The following PHACTR1 variants were observed in gnomAD, a reference collection of about 807,000 sequenced individuals.
PHACTR1 encodes RPEL repeat containing 1.
In PHACTR1, 16 loss-of-function variants were observed where a neutral mutation model predicts 69.2. The observed-to-expected ratio is 0.23, with a 90% CI of 0.16 to 0.35. The LOEUF (loss-of-function observed/expected upper bound fraction) is 0.35. Ranked by LOEUF, PHACTR1 falls within the 10% of genes least tolerant of loss-of-function variation. The probability of loss-of-function intolerance (pLI) is 1.00; values close to 1 mark genes in which losing one functional copy is unlikely to be tolerated. For missense variants in PHACTR1, 510 were observed against 734.7 expected (o/e 0.69, Z 3.54); for synonymous variants, 312 against 284.5 (o/e 1.10, Z -0.97).
At chr6:13,110,390 C>CT (rs1471029509) in intron 5 of PHACTR1, among the ~76,000 whole-genome samples, 1 of 152,178 alleles carries the variant, frequency 6.6e-6, no homozygotes, top group Non-Finnish European at 1.5e-5. Context: ...GTGCACAATG[C>CT]TGCAGGTGTT....
chr6:12,858,652 A>T (rs1780641706), intron 4 of PHACTR1, among the ~76,000 whole-genome samples: 1 of 152,110 alleles, frequency 6.6e-6, no homozygotes, highest in African/African-American at 2.4e-5. Context: ...TAAAAATTGC[A>T]GGACATGGTG....
chr6:13,021,697 ATC>A (rs1800998747), intron 4 of PHACTR1, among the ~76,000 whole-genome samples: 1 of 152,188 alleles, frequency 6.6e-6, no homozygotes, highest in Non-Finnish European at 1.5e-5. Flanking sequence ...ATTTGTTATT[ATC>A]TGTTATGGAT....
At chr6:13,000,692 GAGA>G (rs1798004632) in intron 4 of PHACTR1, among the ~76,000 whole-genome samples, 1 of 142,808 alleles carries the variant, frequency 7.0e-6, no homozygotes, top group South Asian at 2.2e-4. Context: ...GAAGGAAGGA[GAGA>G]AAAACAAAGG....
At chr6:12,823,947 G>T (rs527854449) in intron 4 of PHACTR1, among the ~76,000 whole-genome samples, 1 of 151,972 alleles carries the variant, frequency 6.6e-6, no homozygotes, top group African/African-American at 2.4e-5. Flanking sequence ...AAATTCTATT[G>T]CCTACCTCAG....
At chr6:12,925,853 G>GA (rs954681334) in intron 4 of PHACTR1, among the ~76,000 whole-genome samples, 2 of 151,166 alleles carry the variant, frequency 1.3e-5, no homozygotes, top group Non-Finnish European at 3.0e-5. Context: ...GCAGAAATAG[G>GA]AAAAAAAAAT....
intron 10 of PHACTR1, among the ~76,000 whole-genome samples, chr6:13,247,546 AC>A (rs1420669213): frequency 6.6e-6 from 1 of 152,122 alleles, no homozygotes; most frequent in Non-Finnish European, 1.5e-5. Context: ...GGGTTTTACC[AC>A]ATTGGCCAGG....
intron 4 of PHACTR1, among the ~76,000 whole-genome samples, chr6:13,005,919 T>A (rs1330396709): frequency 6.6e-6 from 1 of 151,404 alleles, no homozygotes; most frequent in Admixed American, 6.6e-5. Flanking sequence ...AAAGGGCCAC[T>A]CCACTCTCTA....
At chr6:13,271,109 A>C (rs2127444842) in intron 10 of PHACTR1, among the ~76,000 whole-genome samples, 1 of 151,960 alleles carries the variant, frequency 6.6e-6, no homozygotes, top group South Asian at 2.1e-4. Flanking sequence ...CCCAGGTTCA[A>C]GCGATTCTCC....
In PHACTR1 at chr6:13,287,083, C is replaced by A. The variant is rs114265092; in HGVS notation, c.*5C>A. On this transcript the variant is annotated 3_prime_UTR_variant, in exon 15 of 15. Coordinates refer to ENST00000332995, the MANE Select transcript of PHACTR1 (RefSeq NM_030948.6). ...CTTAGGTTTCACCGACCTTAACAGT[C>A]GAATTCCTCTTGAGTGCTATGCTGT... is the stretch of plus-strand genomic sequence containing the variant. 4 of 1,605,076 alleles carry A rather than the reference C, an allele frequency of 2.5e-6. No individual in the cohort carries two copies. Among genetic ancestry groups the A allele is most frequent in the Non-Finnish European group, 3.4e-6 (4 of 1,175,322 alleles).
intron 11 of PHACTR1, among the ~76,000 whole-genome samples, chr6:13,277,669 G>C (rs191108854): frequency 1.3e-5 from 2 of 152,242 alleles, no homozygotes; most frequent in Non-Finnish European, 2.9e-5. Context: ...ACCTCCTTGG[G>C]CTGTGCGGTG....
intron 4 of PHACTR1, among the ~76,000 whole-genome samples, chr6:13,011,213 A>G (rs1799413407): frequency 6.6e-6 from 1 of 152,322 alleles, no homozygotes; most frequent in East Asian, 1.9e-4. Flanking sequence ...GCCTTACCCA[A>G]TGCAGTGGCC....
At chr6:13,244,566 A>G (rs975046154) in intron 10 of PHACTR1, among the ~76,000 whole-genome samples, 1 of 152,220 alleles carries the variant, frequency 6.6e-6, no homozygotes, top group African/African-American at 2.4e-5. Context: ...CCCTAGCTGC[A>G]CATTCTCTTT....
rs1040068266 is a variant in PHACTR1, at chr6:12,848,167, G to A, written c.250+98377G>A. Among the ~76,000 whole-genome samples the A allele has an allele frequency of 7.2e-5, 11 of 151,838 alleles. No homozygotes were observed. In the South Asian group the frequency reaches 1.5e-3, roughly 20 times the overall value. ...CATAACTAGGCTAGATCAATAGCAC[G>A]TATTGGTTATAAACAGAGTAACTAA... is the stretch of plus-strand genomic sequence containing the variant. On this transcript the variant is annotated intron_variant, in intron 4 of 14. Transcript: ENST00000332995.
intron 5 of PHACTR1, among the ~76,000 whole-genome samples, chr6:13,143,615 G>C (rs1822845315): frequency 6.6e-6 from 1 of 152,068 alleles, no homozygotes; most frequent in African/African-American, 2.4e-5. Flanking sequence ...AAACCTTCAA[G>C]TGATACTGCT....
chr6:13,152,329 G>A (rs555360892), intron 5 of PHACTR1, among the ~76,000 whole-genome samples: 17 of 150,880 alleles, frequency 1.1e-4, no homozygotes, highest in South Asian at 4.2e-4. Flanking sequence ...GCAAGACTCC[G>A]TCTCAAAAAA....
At position 13,179,480 on chromosome 6, in the gene PHACTR1, C is replaced by G. The variant is rs1008564900; in HGVS notation, c.497-3039C>G. Among the ~76,000 whole-genome samples, 4 of 146,414 alleles carry G rather than the reference C, an allele frequency of 2.7e-5. No homozygotes were observed. Among genetic ancestry groups the G allele is most frequent in the Admixed American group, 6.9e-5 (1 of 14,458 alleles). Reference sequence around the variant, plus strand: ...TCATAATAAAAAATTTAAAATATTACTTAAAAGTGGCAGTATTACTCCATC... The same window carrying G: ...TCATAATAAAAAATTTAAAATATTAGTTAAAAGTGGCAGTATTACTCCATC... On this transcript the variant is annotated intron_variant, in intron 6 of 14. Transcript: ENST00000332995. This position sits in a 1 kb window ranked among gnomAD's most constrained non-coding sequence, Gnocchi z 4.2.
chr6:12,879,018 T>C (rs1406332791), intron 4 of PHACTR1, among the ~76,000 whole-genome samples: 1 of 152,184 alleles, frequency 6.6e-6, no homozygotes, highest in Non-Finnish European at 1.5e-5. Context: ...GGGTTGTTAA[T>C]AGTCTGGAGA....
intron 5 of PHACTR1, among the ~76,000 whole-genome samples, chr6:13,156,672 G>A (rs77553949): frequency 1.0e-3 from 152 of 152,264 alleles, no homozygotes; most frequent in Non-Finnish European, 1.7e-3. Context: ...GCTTGATAAC[G>A]TCTCTTGGAT....
chr6:12,904,388 G>A (rs761640255), intron 4 of PHACTR1, among the ~76,000 whole-genome samples: 7 of 151,920 alleles, frequency 4.6e-5, no homozygotes, highest in East Asian at 1.9e-4. Flanking sequence ...AAAAAAAATA[G>A]CCAGGCGTGG....
Sources: allele counts gnomAD v4.1 joint callset (sites outside exome capture counted in the v4.1 genomes callset), GRCh38; gene constraint gnomAD v4.1.1; non-coding constraint Gnocchi (gnomAD v3.1); transcripts MANE v1.5; gene names NCBI Gene and HGNC (gene_info 2026-07-23, HGNC 2026-07-21).